The following ZBTB46 variants were observed in gnomAD, a reference collection of about 807,000 sequenced individuals.
ZBTB46 encodes the protein zinc finger and BTB domain containing 46.
A neutral mutation model predicts 44.1 loss-of-function variants in ZBTB46; 8 were observed. That is an observed-to-expected ratio of 0.18 (90% CI 0.11 to 0.33). ZBTB46 has a LOEUF of 0.33. Among genes scored for constraint, ZBTB46 ranks in the 10% least tolerant of loss-of-function variants. The pLI is 1.00. For missense variants in ZBTB46, 651 were observed against 847.7 expected (o/e 0.77, Z 2.88); for synonymous variants, 409 against 382.3 (o/e 1.07, Z -0.81).
At position 63,746,574 on chromosome 20, in the gene ZBTB46, G is replaced by T; in HGVS notation, c.*356C>A. 3.9e-6 allele frequency: 1 copy of T among 254,508 alleles called. No individual in the cohort carries two copies. The highest frequency in any genetic ancestry group is 1.2e-4 in the South Asian group (1 of 8,212). 15.8% of individuals were successfully genotyped at this position (254,508 alleles called of 1,614,324 possible). ...TGGGCCGAACACACCACCCCGCCCAGTGCCCACTGGACCCGGCCACAGGCC... is the reference window on the plus strand; with the variant it reads ...TGGGCCGAACACACCACCCCGCCCATTGCCCACTGGACCCGGCCACAGGCC... On this transcript the variant is annotated 3_prime_UTR_variant, in exon 5 of 5. Coordinates refer to ENST00000245663, the MANE Select transcript of ZBTB46 (RefSeq NM_001369741.1).
intron 1 of ZBTB46, among the ~76,000 whole-genome samples, chr20:63,810,500 C>T (rs2092711467): frequency 6.6e-6 from 1 of 152,128 alleles, no homozygotes; most frequent in Non-Finnish European, 1.5e-5. Context: ...AATCCTAGCA[C>T]TTTGGGAGGC....
chr20:63,822,027 AC>A (rs1468095231), intron 1 of ZBTB46, among the ~76,000 whole-genome samples: 1 of 152,212 alleles, frequency 6.6e-6, no homozygotes, highest in Non-Finnish European at 1.5e-5. Context: ...GCGAGAACTT[AC>A]ACCTTTAACT....
intron 3 of ZBTB46, among the ~76,000 whole-genome samples, chr20:63,773,644 C>T (rs1327140792): frequency 2.6e-5 from 4 of 151,658 alleles, no homozygotes; most frequent in South Asian, 4.2e-4. Context: ...ACGGCACCCA[C>T]GGGCATGTGC....
chr20:63,804,043 C>T (rs964055990), intron 1 of ZBTB46, among the ~76,000 whole-genome samples: 2 of 152,146 alleles, frequency 1.3e-5, no homozygotes, highest in East Asian at 1.9e-4. Flanking sequence ...GAGCCCAGCA[C>T]GCTTCCCCTT....
chr20:63,783,127 CTT>C (rs2092484232), intron 2 of ZBTB46, among the ~76,000 whole-genome samples: 1 of 151,290 alleles, frequency 6.6e-6, no homozygotes. Context: ...GAGACCTTGT[CTT>C]AAAAAAAACA....
chr20:63,751,528 C>G (rs2092162150), intron 4 of ZBTB46, among the ~76,000 whole-genome samples: 1 of 152,134 alleles, frequency 6.6e-6, no homozygotes, highest in South Asian at 2.1e-4. Context: ...TCAGGGAGCT[C>G]CCACAGGGGT....
At chr20:63,765,728 T>TGAAAACG in intron 3 of ZBTB46, among the ~76,000 whole-genome samples, 2 of 44,920 alleles carry the variant, frequency 4.5e-5, no homozygotes, top group Non-Finnish European at 4.6e-5. Flanking sequence ...TTGCACCCAC[T>TGAAAACG]TCATATGCTG....
At chr20:63,791,428 G>A (rs1002038648) in intron 1 of ZBTB46, among the ~76,000 whole-genome samples, 21 of 150,334 alleles carry the variant, frequency 1.4e-4, no homozygotes, top group Non-Finnish European at 2.8e-4. Flanking sequence ...CCCGGGAGGC[G>A]GAGCCTGCAG....
At chr20:63,812,439 C>T (rs768920543) in intron 1 of ZBTB46, among the ~76,000 whole-genome samples, 2 of 151,576 alleles carry the variant, frequency 1.3e-5, no homozygotes, top group African/African-American at 2.4e-5. Flanking sequence ...GTCAGGAGTT[C>T]GAGACCAGCC....
chr20:63,805,883 G>A (rs372713355), intron 1 of ZBTB46, among the ~76,000 whole-genome samples: 4 of 151,440 alleles, frequency 2.6e-5, no homozygotes, highest in South Asian at 2.1e-4. Context: ...AGTGATTCTC[G>A]TGCCTCGGCC....
Position 63,831,206 on chromosome 20 carries a change from G to A in ZBTB46, c.-143C>T, listed in dbSNP as rs1234022115. Reference sequence around the variant, plus strand: ...CTGCGTCCGGGCGGGTCCGAGCTGCGCGCTCGCCGGGGCTGCTCGGTCCGT... The same window carrying A: ...CTGCGTCCGGGCGGGTCCGAGCTGCACGCTCGCCGGGGCTGCTCGGTCCGT... On this transcript the variant is annotated 5_prime_UTR_variant, in exon 1 of 5. Coordinates refer to ENST00000245663, the MANE Select transcript of ZBTB46 (RefSeq NM_001369741.1). The A allele has an allele frequency of 2.8e-5, 4 of 142,330 alleles. No homozygotes were observed. The highest frequency in any genetic ancestry group is 7.6e-5 in the African/African-American group (3 of 39,622). The allele number at this position is 142,330 out of a possible 1,614,324, so 8.8% of individuals were successfully genotyped here.
At chr20:63,801,912 T>C (rs1264338286) in intron 1 of ZBTB46, among the ~76,000 whole-genome samples, 1 of 152,180 alleles carries the variant, frequency 6.6e-6, no homozygotes, top group Non-Finnish European at 1.5e-5. Context: ...CAAGTGCTGT[T>C]TGCTGCACGT....
At chr20:63,831,426 G>C (rs1261761159), upstream of ZBTB46, among the ~76,000 whole-genome samples, 1 of 143,304 alleles carries the variant, frequency 7.0e-6, no homozygotes, top group Admixed American at 6.9e-5. Flanking sequence ...ACGCCGGCCC[G>C]GCCGCCGGCC....
intron 1 of ZBTB46, among the ~76,000 whole-genome samples, chr20:63,799,197 A>ATT (rs879333019): frequency 2.1e-5 from 3 of 142,536 alleles, no homozygotes; most frequent in African/African-American, 7.7e-5. Context: ...CACTCAGCTA[A>ATT]TTTTTTTTTT....
rs73622889 is a variant in ZBTB46, at chr20:63,760,816, G to C, written c.1223-7955C>G. Reference sequence around the variant, plus strand: ...TGGCTTTGGGCATTGTTCACTTTCGGTTTTGGGGTTTGCCCAGGCTGGAAT... The same window carrying C: ...TGGCTTTGGGCATTGTTCACTTTCGCTTTTGGGGTTTGCCCAGGCTGGAAT... On this transcript the variant is annotated intron_variant, in intron 3 of 4. Transcript: ENST00000245663. Among the ~76,000 whole-genome samples the C allele has an allele frequency of 1.5e-3, 213 of 146,398 alleles. 8 individuals are homozygous for C. In the East Asian group the frequency reaches 0.03, roughly 21 times the overall value.
intron 3 of ZBTB46, among the ~76,000 whole-genome samples, chr20:63,758,322 A>G (rs909709665): frequency 2.0e-5 from 3 of 151,438 alleles, no homozygotes; most frequent in African/African-American, 2.4e-5. Context: ...GCCTGCTGAA[A>G]TTATTCAAAT....
chr20:63,808,976 CAAAAAAAAAA>C (rs1157399042), intron 1 of ZBTB46, among the ~76,000 whole-genome samples: 12 of 75,234 alleles, frequency 1.6e-4, no homozygotes, highest in Non-Finnish European at 3.0e-4. Context: ...GACTCCGCTT[CAAAAAAAAAA>C]AAAAAAAAAA....
At chr20:63,797,499 ATCCTT>A (rs2092612920) in intron 1 of ZBTB46, among the ~76,000 whole-genome samples, 1 of 152,138 alleles carries the variant, frequency 6.6e-6, no homozygotes, top group Non-Finnish European at 1.5e-5. Context: ...ATGATTTATA[ATCCTT>A]TGGGTATATA....
Position 63,789,886 on chromosome 20 carries a change from C to T in ZBTB46, c.872G>A (p.Arg291Gln), listed in dbSNP as rs772039287. ...HITQQVEDDS[R>Q]ASSPVPSFLP... ...GAAGGACGGCACCGGGGAGCTGGCC[C>T]GGCTGTCATCTTCCACCTGCTGTGT... The change falls in exon 2 of 5, where the codon CGG (arginine) becomes CAG (glutamine). Residue 291 changes from arginine to glutamine, a missense_variant. Transcript: ENST00000245663. 32 of 1,613,854 alleles carry T rather than the reference C, an allele frequency of 2.0e-5. No individual in the cohort carries two copies. The highest frequency in any genetic ancestry group is 1.3e-4 in the Admixed American group (8 of 60,026).
Sources: allele counts gnomAD v4.1 joint callset (sites outside exome capture counted in the v4.1 genomes callset), GRCh38; gene constraint gnomAD v4.1.1; transcripts MANE v1.5; gene names NCBI Gene and HGNC (gene_info 2026-07-23, HGNC 2026-07-21).